The following NSUN3 variants were observed in gnomAD, a reference collection of about 807,000 sequenced individuals.
The protein encoded by NSUN3 is NOP2/Sun RNA methyltransferase 3.
Under a neutral mutation model 36.8 loss-of-function variants are expected in NSUN3, and 24 were observed. The ratio of observed to expected loss-of-function variants is 0.65; its 90% CI spans 0.47 to 0.92. NSUN3 has a LOEUF of 0.92. Ranked by LOEUF, NSUN3 falls within the 40% of genes least tolerant of loss-of-function variation. NSUN3 has a pLI of 0.00. For synonymous variants in NSUN3, 146 were observed against 145.2 expected, an observed-to-expected ratio of 1.01 and a Z score of -0.04; for missense variants, 381 against 392.8, an observed-to-expected ratio of 0.97 and a Z score of 0.25.
intron 3 of NSUN3, among the ~76,000 whole-genome samples, chr3:94,087,140 T>C (rs1428467583): frequency 2.6e-5 from 4 of 152,210 alleles, no homozygotes; most frequent in African/African-American, 7.2e-5. Context: ...CCAAGTAAAG[T>C]AGCTTTTCAT....
rs2077493360 is a variant in NSUN3, at chr3:94,127,750, A to G, written c.*1260A>G. The G allele has an allele frequency of 6.6e-6, 1 of 152,210 alleles. No individual in the cohort carries two copies. Among genetic ancestry groups the G allele is most frequent in the South Asian group, 2.1e-4 (1 of 4,834 alleles). The allele number at this position is 152,210 out of a possible 1,614,324, so 9.4% of individuals were successfully genotyped here. A position where few individuals can be genotyped will look rare whatever the true frequency, so the allele number is the denominator to read the frequency against. Reference sequence around the variant, plus strand: ...TTCTGCTAAAGCTGAATACTTTTGAATTGTTCATTATGTTCTGTGCCTTTA... The same window carrying G: ...TTCTGCTAAAGCTGAATACTTTTGAGTTGTTCATTATGTTCTGTGCCTTTA... On this transcript the variant is annotated 3_prime_UTR_variant, in exon 6 of 6. Coordinates refer to ENST00000314622, the MANE Select transcript of NSUN3 (RefSeq NM_022072.5).
rs141294175 is a variant in NSUN3, at chr3:94,089,696, G to A, written c.467-4444G>A. 5.5e-4 allele frequency among the ~76,000 whole-genome samples: 84 copies of A among 152,364 alleles called. No individual in the cohort carries two copies. The East Asian group carries it at 0.011, about 21-fold the overall frequency. On this transcript the variant is annotated intron_variant, in intron 3 of 5. Coordinates refer to ENST00000314622, the MANE Select transcript of NSUN3 (RefSeq NM_022072.5). ...GGTGCAAGACACCGGAAGTGGGCCA[G>A]TGTATAAAGTCATAGGATTAAGGTT...
At chr3:94,120,880 A>G (rs1369231619) in intron 5 of NSUN3, among the ~76,000 whole-genome samples, 2 of 152,200 alleles carry the variant, frequency 1.3e-5, no homozygotes, top group East Asian at 3.9e-4. Flanking sequence ...TACCATTTTA[A>G]TAATCTAACA....
intron 5 of NSUN3, among the ~76,000 whole-genome samples, chr3:94,108,998 A>G (rs2077404184): frequency 6.6e-6 from 1 of 152,236 alleles, no homozygotes; most frequent in Non-Finnish European, 1.5e-5. Context: ...TTATAAAAAT[A>G]TAGTTTCCGG....
chr3:94,092,676 G>A (rs928130173), intron 3 of NSUN3, among the ~76,000 whole-genome samples: 1 of 151,952 alleles, frequency 6.6e-6, no homozygotes, highest in African/African-American at 2.4e-5. Flanking sequence ...GACCGAGGTA[G>A]GTAGGTCACC....
chr3:94,119,291 G>A (rs193205414), intron 5 of NSUN3, among the ~76,000 whole-genome samples: 13 of 152,276 alleles, frequency 8.5e-5, no homozygotes, highest in Admixed American at 8.5e-4. Context: ...TTATAGAGTT[G>A]TTGTATGTTC....
chr3:94,092,252 C>A, intron 3 of NSUN3, among the ~76,000 whole-genome samples: 1 of 152,216 alleles, frequency 6.6e-6, no homozygotes, highest in East Asian at 1.9e-4. Flanking sequence ...TGAGAAGGCT[C>A]TGTAATTTCA....
intron 5 of NSUN3, among the ~76,000 whole-genome samples, chr3:94,104,325 T>A (rs1275655160): frequency 6.6e-6 from 1 of 152,208 alleles, no homozygotes; most frequent in Non-Finnish European, 1.5e-5. Context: ...TGATTGCCTG[T>A]ATACTTAAAA....
At chr3:94,084,661 G>A in intron 3 of NSUN3, 1 of 465,900 alleles carries the variant, frequency 2.1e-6, no homozygotes, top group Non-Finnish European at 3.8e-6. Flanking sequence ...GCAGGTGATT[G>A]GGAACAAAAC....
At chr3:94,112,285 AT>A (rs1034754513) in intron 5 of NSUN3, among the ~76,000 whole-genome samples, 38 of 152,300 alleles carry the variant, frequency 2.5e-4, no homozygotes, top group African/African-American at 9.1e-4. Context: ...TTGAACATAA[AT>A]TATCTAGCCA....
intron 5 of NSUN3, among the ~76,000 whole-genome samples, chr3:94,102,271 C>T (rs752446431): frequency 1.5e-4 from 22 of 147,702 alleles, no homozygotes; most frequent in Non-Finnish European, 3.0e-4. Flanking sequence ...ATAAGGAATA[C>T]CTAGTTGACT....
intron 5 of NSUN3, among the ~76,000 whole-genome samples, chr3:94,121,865 C>G (rs951717535): frequency 6.6e-6 from 1 of 152,162 alleles, no homozygotes; most frequent in Non-Finnish European, 1.5e-5. Flanking sequence ...ATATAACTGG[C>G]CAGGCGTGGT....
In NSUN3 at chr3:94,076,595, C is replaced by T. The variant is rs575206609; in HGVS notation, c.123-7512C>T. On this transcript the variant is annotated intron_variant, in intron 2 of 5. Coordinates refer to ENST00000314622, the MANE Select transcript of NSUN3 (RefSeq NM_022072.5). ...GTAGATGGTGTGATCATCTGAAGCACTAAGTAAGTGCCCACTGAGATTTGG... is the reference window on the plus strand; with the variant it reads ...GTAGATGGTGTGATCATCTGAAGCATTAAGTAAGTGCCCACTGAGATTTGG... 99 of 878,128 alleles carry T rather than the reference C, an allele frequency of 1.1e-4. No homozygotes were observed. The East Asian group carries it at 2.2e-3, about 20-fold the overall frequency. 54.4% of individuals were successfully genotyped at this position (878,128 alleles called of 1,614,324 possible).
rs1160031624 is a variant in NSUN3, at chr3:94,128,059, T to TA, written c.*1574dup. On this transcript the variant is annotated 3_prime_UTR_variant, in exon 6 of 6. Coordinates refer to ENST00000314622, the MANE Select transcript of NSUN3 (RefSeq NM_022072.5). ...CAACATGGTAAAACCCCGACTCTAC[T>TA]AAAAATGCAAAAAAATTAGACAGGC... is the stretch of plus-strand genomic sequence containing the variant. The TA allele has an allele frequency of 6.6e-6, 1 of 151,900 alleles. No individual in the cohort carries two copies. Among genetic ancestry groups the TA allele is most frequent in the African/African-American group, 2.4e-5 (1 of 41,334 alleles). 9.4% of individuals were successfully genotyped at this position (151,900 alleles called of 1,614,324 possible).
intron 5 of NSUN3, among the ~76,000 whole-genome samples, chr3:94,104,835 A>G (rs557436354): frequency 6.6e-6 from 1 of 152,372 alleles, no homozygotes; most frequent in African/African-American, 2.4e-5. Flanking sequence ...ATGATTATCA[A>G]TGGATTAATG....
At chr3:94,095,291 A>G in intron 5 of NSUN3, 137 bp downstream of exon 5, 1 of 806,914 alleles carries the variant, frequency 1.2e-6, no homozygotes. Flanking sequence ...ACACTCAAAA[A>G]ATTCCCAACT....
intron 5 of NSUN3, among the ~76,000 whole-genome samples, chr3:94,122,532 A>G (rs2077468042): frequency 6.6e-6 from 1 of 152,184 alleles, no homozygotes; most frequent in East Asian, 1.9e-4. Flanking sequence ...GCACCCTGCA[A>G]TCTCACACTG....
At chr3:94,076,810 G>A in intron 2 of NSUN3, 1 of 1,581,130 alleles carries the variant, frequency 6.3e-7, no homozygotes, top group Non-Finnish European at 8.7e-7. Flanking sequence ...CTTCATGGTT[G>A]ATCTTGATTT....
chr3:94,072,257 G>A (rs565100347), intron 2 of NSUN3, among the ~76,000 whole-genome samples: 3 of 152,072 alleles, frequency 2.0e-5, no homozygotes, highest in Admixed American at 6.6e-5. Context: ...GGTCTCACAC[G>A]TTGGGAATCA....
Sources: gnomAD v4.1 joint callset for allele counts (sites outside exome capture counted in the v4.1 genomes callset) on GRCh38, gnomAD v4.1.1 for gene constraint, MANE v1.5 for transcripts, NCBI Gene and HGNC (gene_info 2026-07-23, HGNC 2026-07-21) for gene names.